CCDC171: variants seen among roughly 807,000 people sequenced by gnomAD.
CCDC171 encodes the protein coiled-coil domain-containing protein 171.
In CCDC171, 177 loss-of-function variants were observed where a neutral mutation model predicts 168.2. The ratio of observed to expected loss-of-function variants is 1.05; its 90% CI spans 0.93 to 1.19. The LOEUF (loss-of-function observed/expected upper bound fraction) is 1.19. Among genes scored for constraint, CCDC171 ranks in the 50% most tolerant of loss-of-function variants. The probability of loss-of-function intolerance (pLI) is 0.00; values close to 1 mark genes in which losing one functional copy is unlikely to be tolerated. For missense variants in CCDC171, 1,991 were observed against 1,539.0 expected, an observed-to-expected ratio of 1.29 and a Z score of -4.91; for synonymous variants, 687 against 540.8, an observed-to-expected ratio of 1.27 and a Z score of -3.75.
chr9:15,700,327 T>G (rs1190877875), intron 11 of CCDC171, among the ~76,000 whole-genome samples: 1 of 152,208 alleles, frequency 6.6e-6, no homozygotes, highest in Non-Finnish European at 1.5e-5. Flanking sequence ...GCCGGCCGGC[T>G]GCTCTGAGTG....
chr9:15,619,929 G>C (rs750511821), intron 6 of CCDC171, among the ~76,000 whole-genome samples: 4 of 152,098 alleles, frequency 2.6e-5, no homozygotes, highest in Non-Finnish European at 4.4e-5. Flanking sequence ...CATATACTCT[G>C]CCTGTGCTCT....
intron 23 of CCDC171, among the ~76,000 whole-genome samples, chr9:15,853,434 G>A (rs1012287185): frequency 2.0e-5 from 3 of 151,432 alleles, no homozygotes; most frequent in Admixed American, 1.3e-4. Context: ...TTATCTTTTT[G>A]TATGTTCATC....
intron 24 of CCDC171, among the ~76,000 whole-genome samples, chr9:15,906,624 G>A (rs1483780651): frequency 1.3e-5 from 2 of 152,180 alleles, no homozygotes; most frequent in Non-Finnish European, 2.9e-5. Flanking sequence ...AGACAGGGAT[G>A]CCCTCTCTCA....
chr9:15,913,857 T>C lies in CCDC171; in HGVS notation c.3601-6413T>C, dbSNP rs972024488. On this transcript the variant is annotated intron_variant, in intron 24 of 25. Coordinates refer to ENST00000380701, the MANE Select transcript of CCDC171 (RefSeq NM_173550.4). ...TTGTTCTTTTTGTTGATTTTGATAC[T>C]GTTGCTTTCTGTTTGTTAGTTTTCC... Among the ~76,000 whole-genome samples the C allele has an allele frequency of 8.3e-4, 127 of 152,320 alleles. 1 individual carries two copies. Among genetic ancestry groups the C allele is most frequent in the African/African-American group, 3.0e-3 (124 of 41,592 alleles).
At position 15,902,890 on chromosome 9, in the gene CCDC171, G is replaced by A. The variant is rs1028452881; in HGVS notation, c.3601-17380G>A. On this transcript the variant is annotated intron_variant, in intron 24 of 25. Transcript: ENST00000380701. ...ATGGCACACCAGGAGATTATATCCT[G>A]TGCCTGGCTCAGAGGGTCCTACACC... 3.3e-5 allele frequency among the ~76,000 whole-genome samples: 5 copies of A among 152,170 alleles called. No homozygotes were observed. The East Asian group carries it at 9.6e-4, about 29-fold the overall frequency.
At chr9:15,608,656 T>G (rs1291875892) in intron 6 of CCDC171, among the ~76,000 whole-genome samples, 1 of 151,880 alleles carries the variant, frequency 6.6e-6, no homozygotes, top group Non-Finnish European at 1.5e-5. Flanking sequence ...TTTTATTGAT[T>G]AATAGGAACT....
intron 18 of CCDC171, among the ~76,000 whole-genome samples, chr9:15,756,359 T>C (rs982655439): frequency 6.6e-6 from 1 of 151,962 alleles, no homozygotes; most frequent in Non-Finnish European, 1.5e-5. Context: ...ACAAGAATGG[T>C]TACTGTTATT....
At chr9:15,863,383 A>G (rs896536574) in intron 23 of CCDC171, among the ~76,000 whole-genome samples, 1 of 151,968 alleles carries the variant, frequency 6.6e-6, no homozygotes, top group East Asian at 1.9e-4. Context: ...GTGCCATTGC[A>G]TCAGTGTGTC....
chr9:15,808,121 T>C (rs1268035749), intron 21 of CCDC171, among the ~76,000 whole-genome samples: 3 of 152,126 alleles, frequency 2.0e-5, no homozygotes, highest in African/African-American at 7.2e-5. Context: ...ATGCCACTTT[T>C]TCCTTTGTGA....
chr9:15,678,119 C>T (rs2049770806), intron 9 of CCDC171, among the ~76,000 whole-genome samples: 1 of 150,756 alleles, frequency 6.6e-6, no homozygotes, highest in African/African-American at 2.4e-5. Flanking sequence ...TTTTGTTGCC[C>T]AGGCTGGTCT....
At chr9:15,652,939 G>A (rs977505537) in intron 7 of CCDC171, among the ~76,000 whole-genome samples, 2 of 152,084 alleles carry the variant, frequency 1.3e-5, no homozygotes, top group Non-Finnish European at 1.5e-5. Context: ...CTGTGGGACT[G>A]GTATTCTGTG....
intron 10 of CCDC171, among the ~76,000 whole-genome samples, chr9:15,681,373 CT>C (rs2050029302): frequency 6.6e-6 from 1 of 152,064 alleles, no homozygotes; most frequent in African/African-American, 2.4e-5. Flanking sequence ...TAATATGTTC[CT>C]CTTAATTTTT....
chr9:15,962,849 A>G (rs1035954494), intron 25 of CCDC171, among the ~76,000 whole-genome samples: 4 of 151,528 alleles, frequency 2.6e-5, no homozygotes, highest in Admixed American at 2.0e-4. Context: ...AGGGATAGAT[A>G]TGCATGTATG....
chr9:16,100,680 T>G, the CCDC171 span, among the ~76,000 whole-genome samples: 1 of 151,736 alleles, frequency 6.6e-6, no homozygotes. Flanking sequence ...CTGGCCAGAG[T>G]TGGAAGTGTT....
the CCDC171 span, among the ~76,000 whole-genome samples, chr9:16,085,848 G>T: frequency 1.3e-5 from 2 of 152,172 alleles, no homozygotes; most frequent in Non-Finnish European, 2.9e-5. Flanking sequence ...AACATGAATG[G>T]GAGTGAGAAG....
intron 3 of CCDC171, among the ~76,000 whole-genome samples, chr9:16,013,566 G>T (rs578212383): frequency 6.6e-6 from 1 of 152,296 alleles, no homozygotes; most frequent in South Asian, 2.1e-4. Flanking sequence ...AGGCTCCAAT[G>T]CCTACGGGGC....
chr9:16,085,718 G>C, the CCDC171 span, among the ~76,000 whole-genome samples: 1 of 152,152 alleles, frequency 6.6e-6, no homozygotes, highest in Non-Finnish European at 1.5e-5. Flanking sequence ...AAACAAACAT[G>C]AACATTATTC....
chr9:15,807,075 A>G (rs2059115391), intron 21 of CCDC171, among the ~76,000 whole-genome samples: 1 of 152,170 alleles, frequency 6.6e-6, no homozygotes, highest in South Asian at 2.1e-4. Flanking sequence ...GTCAGATCAC[A>G]TAGTTCTTCT....
At chr9:15,593,466 T>C (rs1006990105) in intron 5 of CCDC171, among the ~76,000 whole-genome samples, 9 of 152,146 alleles carry the variant, frequency 5.9e-5, no homozygotes, top group Non-Finnish European at 1.2e-4. Context: ...TTAAATTTCT[T>C]GTTTTTTTGC....
Sources: gnomAD v4.1 joint callset for allele counts (sites outside exome capture counted in the v4.1 genomes callset) on GRCh38, gnomAD v4.1.1 for gene constraint, MANE v1.5 for transcripts, NCBI Gene and HGNC (gene_info 2026-07-23, HGNC 2026-07-21) for gene names.